Variants in PWWP3B observed in about 807,000 individuals in gnomAD.
The protein encoded by PWWP3B is PWWP domain-containing DNA repair factor 3B.
A neutral mutation model predicts 15.7 loss-of-function variants in PWWP3B; 5 were observed. The observed-to-expected ratio is 0.32, with a 90% CI of 0.17 to 0.67. The LOEUF (loss-of-function observed/expected upper bound fraction) is 0.67, where lower values mean the gene tolerates loss of function less well. Among genes scored for constraint, PWWP3B ranks in the 30% least tolerant of loss-of-function variants. The pLI is 0.74. For missense variants in PWWP3B, 519 were observed against 493.1 expected, an observed-to-expected ratio of 1.05 and a Z score of -0.50; for synonymous variants, 203 against 179.8, an observed-to-expected ratio of 1.13 and a Z score of -1.03.
chrX:106,172,386 T>TA (rs1251360606), intron 2 of PWWP3B, among the ~76,000 whole-genome samples: 19 of 111,459 alleles, frequency 1.7e-4, no homozygotes, highest in South Asian at 1.1e-3. Context: ...TGTACAGCAG[T>TA]AAAAAAAATA....
intron 2 of PWWP3B, among the ~76,000 whole-genome samples, chrX:106,190,737 G>A (rs1315335006): frequency 1.8e-5 from 2 of 111,708 alleles, no homozygotes; most frequent in Non-Finnish European, 3.8e-5. Flanking sequence ...TGTAAGGAAG[G>A]GATCCAGTTT....
At chrX:106,194,886 G>T (rs1260253136) in intron 2 of PWWP3B, among the ~76,000 whole-genome samples, 1 of 111,672 alleles carries the variant, frequency 9.0e-6, no homozygotes, top group East Asian at 2.8e-4. Flanking sequence ...GCTGCTGCCT[G>T]ATTGTTCCTC....
chrX:106,201,510 A>G (rs1569365583), intron 2 of PWWP3B, among the ~76,000 whole-genome samples: 1 of 112,769 alleles, frequency 8.9e-6, no homozygotes, highest in African/African-American at 3.2e-5. Flanking sequence ...GAAATCACAC[A>G]CCCTAAGGTT....
chrX:106,204,852 G>A (rs1321867076), intron 3 of PWWP3B, among the ~76,000 whole-genome samples: 2 of 111,645 alleles, frequency 1.8e-5, no homozygotes, highest in African/African-American at 6.5e-5. Flanking sequence ...CACATGTTAA[G>A]TTTGGAGACC....
chrX:106,195,353 G>A (rs1014709006), intron 2 of PWWP3B, among the ~76,000 whole-genome samples: 4 of 111,564 alleles, frequency 3.6e-5, no homozygotes, highest in Admixed American at 9.5e-5. Context: ...TTGTTTTCAA[G>A]TCCAATTTAT....
At chrX:106,200,173 A>G (rs1465037329) in intron 2 of PWWP3B, among the ~76,000 whole-genome samples, 1 of 111,663 alleles carries the variant, frequency 9.0e-6, no homozygotes, top group Non-Finnish European at 1.9e-5. Context: ...AGCTAGATGC[A>G]AAGAATGTAA....
In PWWP3B at chrX:106,207,554, G is replaced by A. The variant is rs1227213638; in HGVS notation, c.*31G>A. 9.0e-7 allele frequency: 1 copy of A among 1,108,677 alleles called. No individual in the cohort carries two copies. The highest frequency in any genetic ancestry group is 1.9e-5 in the African/African-American group (1 of 53,900). The allele number at this position is 1,108,677 out of a possible 1,213,427, so 91.4% of individuals were successfully genotyped here. Reference sequence around the variant, plus strand: ...CTGAAAGTTGAAACCATGACAGGGAGCTCTCATAGATACTAGTTGAAAAAA... The same window carrying A: ...CTGAAAGTTGAAACCATGACAGGGAACTCTCATAGATACTAGTTGAAAAAA... On this transcript the variant is annotated 3_prime_UTR_variant, in exon 4 of 4. Coordinates refer to ENST00000357175, the MANE Select transcript of PWWP3B (RefSeq NM_001171020.2).
Position 106,205,480 on chromosome X carries a change from A to C in PWWP3B, c.48A>C (p.Pro16=), listed in dbSNP as rs1446991954. ...VLCNWKDQLW[P]AKVLSRSETS... ...GCAACTGGAAAGACCAGTTGTGGCC[A>C]GCAAAAGTTTTGTCCAGATCTGAAA... The change falls in exon 4 of 4, where the codon CCA becomes CCC. Residue 16 remains proline, a synonymous_variant. Transcript: ENST00000357175. 7 of 1,191,934 alleles carry C rather than the reference A, an allele frequency of 5.9e-6. No individual in the cohort carries two copies. Among genetic ancestry groups the C allele is most frequent in the Non-Finnish European group, 6.8e-6 (6 of 886,384 alleles).
At chrX:106,193,783 T>C (rs1923171780) in intron 2 of PWWP3B, among the ~76,000 whole-genome samples, 1 of 111,828 alleles carries the variant, frequency 8.9e-6, no homozygotes, top group Admixed American at 9.5e-5. Context: ...GTATTTTATT[T>C]CTACTTCACT....
At chrX:106,170,571 G>A (rs1453037900) in intron 1 of PWWP3B, among the ~76,000 whole-genome samples, 1 of 111,825 alleles carries the variant, frequency 8.9e-6, no homozygotes, top group East Asian at 2.8e-4. Flanking sequence ...TTTTTATGAA[G>A]TGGACAAAGC....
In PWWP3B at chrX:106,205,712, C is replaced by G; in HGVS notation, c.280C>G (p.Leu94Val). The G allele has an allele frequency of 3.3e-6, 4 of 1,211,451 alleles. No individual in the cohort carries two copies. The Middle Eastern group carries it at 6.9e-4, about 209-fold the overall frequency. The part of the protein sequence containing the change: ...TAYGRSLKVA[L>V]GILNERTNLS... ...CTATGGAAGATCACTAAAAGTGGCA[C>G]TGGGTATTCTGAATGAGAGAACAAA... The change falls in exon 4 of 4, where the codon CTG becomes GTG. Residue 94 changes from leucine (L) to valine (V), a missense_variant. Physicochemically the swap from Leu to Val is conservative, Grantham distance 32 (BLOSUM62 1). Coordinates refer to ENST00000357175, the MANE Select transcript of PWWP3B (RefSeq NM_001171020.2).
intron 2 of PWWP3B, among the ~76,000 whole-genome samples, chrX:106,201,051 A>AT (rs1251874670): frequency 1.8e-5 from 2 of 110,123 alleles, no homozygotes; most frequent in African/African-American, 3.3e-5. Context: ...CCGTCTCAAA[A>AT]AAAAAAATAA....
chrX:106,183,694 G>A (rs1922341510), intron 2 of PWWP3B, among the ~76,000 whole-genome samples: 2 of 112,333 alleles, frequency 1.8e-5, no homozygotes, highest in Admixed American at 9.4e-5. Flanking sequence ...GGATGGTAAC[G>A]GGCCTTGAGG....
chrX:106,170,380 C>T (rs1921551158), intron 1 of PWWP3B, among the ~76,000 whole-genome samples: 1 of 111,509 alleles, frequency 9.0e-6, no homozygotes, highest in African/African-American at 3.3e-5. Context: ...ATACAATTTG[C>T]ATGAGAGATA....
intron 3 of PWWP3B, among the ~76,000 whole-genome samples, chrX:106,204,988 G>A (rs1004751064): frequency 1.8e-5 from 2 of 110,874 alleles, no homozygotes; most frequent in African/African-American, 3.3e-5. Context: ...TCCTTAGTAA[G>A]CATGTTCAAT....
rs771816582 is a variant in PWWP3B, at chrX:106,185,924, C to T, written c.-401+14785C>T. 1.4e-4 allele frequency among the ~76,000 whole-genome samples: 16 copies of T among 112,127 alleles called. No individual in the cohort carries two copies. In the South Asian group the frequency reaches 5.6e-3, roughly 39 times the overall value. ...AGTCTGAGGATGGATCCTAAAATTCCAGATAGTCCCCCACCATGGGGCTTT... is the reference window on the plus strand; with the variant it reads ...AGTCTGAGGATGGATCCTAAAATTCTAGATAGTCCCCCACCATGGGGCTTT... On this transcript the variant is annotated intron_variant, in intron 2 of 3. Transcript: ENST00000357175.
intron 2 of PWWP3B, among the ~76,000 whole-genome samples, chrX:106,190,424 A>G (rs1922852723): frequency 9.0e-6 from 1 of 111,152 alleles, no homozygotes; most frequent in South Asian, 3.8e-4. Context: ...GTTTGAGTTC[A>G]TTGTAGATTC....
At chrX:106,186,058 C>T (rs1569360441) in intron 2 of PWWP3B, among the ~76,000 whole-genome samples, 1 of 111,201 alleles carries the variant, frequency 9.0e-6, no homozygotes, top group Non-Finnish European at 1.9e-5. Context: ...TAGAAAAGCA[C>T]CAGAGATAGG....
At chrX:106,180,370 C>T (rs1048190146) in intron 2 of PWWP3B, among the ~76,000 whole-genome samples, 2 of 111,267 alleles carry the variant, frequency 1.8e-5, no homozygotes, top group African/African-American at 6.5e-5. Flanking sequence ...AATATTTCCC[C>T]CCCAACCACA....
Sources: gnomAD v4.1 joint callset for allele counts (sites outside exome capture counted in the v4.1 genomes callset) on GRCh38, gnomAD v4.1.1 for gene constraint, MANE v1.5 for transcripts, NCBI Gene and HGNC (gene_info 2026-07-23, HGNC 2026-07-21) for gene names.